Variants in CDH18 observed in about 807,000 individuals in gnomAD.
The protein encoded by CDH18 is cadherin-18.
In CDH18, 31 loss-of-function variants were observed where a neutral mutation model predicts 67.9. That is an observed-to-expected ratio of 0.46 (90% CI 0.34 to 0.62). CDH18 has a LOEUF of 0.62. Ranked by LOEUF, CDH18 falls within the 20% of genes least tolerant of loss-of-function variation. The pLI, the probability that CDH18 is intolerant of heterozygous loss-of-function variation, is 0.01. For synonymous variants in CDH18, 362 were observed against 347.2 expected (o/e 1.04, Z -0.48); for missense variants, 890 against 975.5 (o/e 0.91, Z 1.17).
intron 2 of CDH18, among the ~76,000 whole-genome samples, chr5:20,117,431 A>C (rs1195649074): frequency 6.6e-6 from 1 of 152,218 alleles, no homozygotes; most frequent in African/African-American, 2.4e-5. Context: ...ATGAGGTTTT[A>C]TTAAAATTAC....
At chr5:20,260,492 G>T (rs572491552) in intron 1 of CDH18, among the ~76,000 whole-genome samples, 2 of 152,180 alleles carry the variant, frequency 1.3e-5, no homozygotes, top group South Asian at 2.1e-4. Context: ...TCTGGATTTT[G>T]AGCTGATGGT....
chr5:19,739,814 T>A (rs1315767335), intron 4 of CDH18, among the ~76,000 whole-genome samples: 2 of 152,306 alleles, frequency 1.3e-5, no homozygotes, highest in South Asian at 4.1e-4. Flanking sequence ...AAATGGCTAC[T>A]AGAATCTTGG....
At chr5:20,444,699 C>A (rs192768423) in intron 1 of CDH18, among the ~76,000 whole-genome samples, 7 of 152,090 alleles carry the variant, frequency 4.6e-5, no homozygotes, top group Non-Finnish European at 7.4e-5. Flanking sequence ...ATATTGAAAA[C>A]TATGGTTGAA....
intron 2 of CDH18, among the ~76,000 whole-genome samples, chr5:20,068,751 T>C (rs186479140): frequency 1.1e-3 from 169 of 152,230 alleles, no homozygotes; most frequent in Non-Finnish European, 1.7e-3. Context: ...CCAAATTATC[T>C]CCCAATCAAA....
chr5:20,465,054 A>G (rs752315771), intron 1 of CDH18, among the ~76,000 whole-genome samples: 17 of 152,116 alleles, frequency 1.1e-4, no homozygotes, highest in Non-Finnish European at 1.6e-4. Context: ...GAATAGTTCA[A>G]TTCTACACAT....
intron 1 of CDH18, among the ~76,000 whole-genome samples, chr5:20,365,838 T>C (rs1742472559): frequency 6.6e-6 from 1 of 152,182 alleles, no homozygotes; most frequent in Non-Finnish European, 1.5e-5. Context: ...TACTTTGCTT[T>C]CTTCCATCTT....
chr5:20,306,869 C>T (rs1736506975), intron 1 of CDH18, among the ~76,000 whole-genome samples: 1 of 52,410 alleles, frequency 1.9e-5, no homozygotes, highest in African/African-American at 1.2e-4. Flanking sequence ...TGATTTAATA[C>T]ATGTGATAAT....
intron 2 of CDH18, among the ~76,000 whole-genome samples, chr5:19,881,478 C>T (rs1056812314): frequency 1.1e-4 from 16 of 149,744 alleles, no homozygotes; most frequent in African/African-American, 1.2e-4. Context: ...ATTATTCAAA[C>T]GCTGACAAAT....
chr5:20,281,048 G>A (rs1746223222), intron 1 of CDH18, among the ~76,000 whole-genome samples: 1 of 151,806 alleles, frequency 6.6e-6, no homozygotes, highest in Admixed American at 6.6e-5. Flanking sequence ...ACTTTTTGAT[G>A]GGGTTGTTTG....
At chr5:20,431,487 C>CAAAAAAAA (rs560015111) in intron 1 of CDH18, among the ~76,000 whole-genome samples, 11 of 66,028 alleles carry the variant, frequency 1.7e-4, no homozygotes, top group South Asian at 5.9e-4. Flanking sequence ...GAGTGAAACT[C>CAAAAAAAA]AAAAAAAAAA....
chr5:20,331,598 A>T (rs546493198), intron 1 of CDH18: 2 of 152,270 alleles, frequency 1.3e-5, no homozygotes, highest in East Asian at 1.9e-4. Context: ...TTTGACTCTG[A>T]CATTTCAACA....
At chr5:20,358,328 A>G (rs1562000709) in intron 1 of CDH18, among the ~76,000 whole-genome samples, 1 of 152,198 alleles carries the variant, frequency 6.6e-6, no homozygotes, top group Non-Finnish European at 1.5e-5. Context: ...AGAAAACAAA[A>G]ATAATAAAAT....
At chr5:20,296,697 ATTT>A (rs1747566514) in intron 1 of CDH18, among the ~76,000 whole-genome samples, 2 of 151,976 alleles carry the variant, frequency 1.3e-5, no homozygotes, top group Admixed American at 1.3e-4. Context: ...GTAATATATC[ATTT>A]TTACTTAATT....
chr5:19,593,398 T>G (rs535894056), intron 6 of CDH18, among the ~76,000 whole-genome samples: 10 of 152,294 alleles, frequency 6.6e-5, no homozygotes, highest in African/African-American at 2.4e-4. Context: ...TAGTTTTGAT[T>G]TGCATTTCCA....
At chr5:19,505,646 C>T (rs1375545288) in intron 10 of CDH18, among the ~76,000 whole-genome samples, 3 of 152,054 alleles carry the variant, frequency 2.0e-5, no homozygotes, top group Non-Finnish European at 4.4e-5. Context: ...GTTGAACCAG[C>T]CTTGCATCCC....
chr5:19,504,374 C>T (rs748197317), intron 10 of CDH18, among the ~76,000 whole-genome samples: 5 of 152,104 alleles, frequency 3.3e-5, no homozygotes, highest in Middle Eastern at 3.4e-3. Flanking sequence ...AAGTCTCTAT[C>T]CTTCTTGATT....
At chr5:19,568,279 T>G (rs1299562861) in intron 8 of CDH18, among the ~76,000 whole-genome samples, 1 of 152,154 alleles carries the variant, frequency 6.6e-6, no homozygotes, top group African/African-American at 2.4e-5. Context: ...TAATCCACGA[T>G]GTAATGGCAT....
intron 2 of CDH18, among the ~76,000 whole-genome samples, chr5:19,939,898 A>G (rs61670293): frequency 0.067 from 10,223 of 151,908 alleles, 953 homozygotes; most frequent in East Asian, 0.21. Flanking sequence ...TTGTGAGGTA[A>G]TAGATAAGAA....
chr5:19,608,511 C>G (rs530850973), intron 6 of CDH18, among the ~76,000 whole-genome samples: 1 of 151,150 alleles, frequency 6.6e-6, no homozygotes, highest in East Asian at 1.9e-4. Flanking sequence ...AGCTCCCCCC[C>G]CAAAAAAAAT....
Sources: gnomAD v4.1 joint callset for allele counts (sites outside exome capture counted in the v4.1 genomes callset) on GRCh38, gnomAD v4.1.1 for gene constraint, MANE v1.5 for transcripts, NCBI Gene and HGNC (gene_info 2026-07-23, HGNC 2026-07-21) for gene names.